AFG1L: variants seen among roughly 807,000 people sequenced by gnomAD.
AFG1L encodes the protein AFG1 like ATPase, also known as AFG1-like ATPase.
In AFG1L, 53 loss-of-function variants were observed where a neutral mutation model predicts 62.2. The ratio of observed to expected loss-of-function variants is 0.85; its 90% CI spans 0.68 to 1.07. AFG1L has a LOEUF of 1.07. Among genes scored for constraint, AFG1L ranks in the 50% least tolerant of loss-of-function variants. AFG1L has a pLI of 0.00. For missense variants in AFG1L, 555 were observed against 590.5 expected (o/e 0.94, Z 0.62); for synonymous variants, 228 against 210.3 (o/e 1.08, Z -0.73).
At chr6:108,343,400 C>T (rs1778754313) in intron 2 of AFG1L, among the ~76,000 whole-genome samples, 1 of 152,008 alleles carries the variant, frequency 6.6e-6, no homozygotes. Flanking sequence ...CAATCTTTCC[C>T]CCCATCTTTC....
chr6:108,310,054 C>T (rs1777344538), intron 1 of AFG1L, among the ~76,000 whole-genome samples: 1 of 152,182 alleles, frequency 6.6e-6, no homozygotes, highest in Non-Finnish European at 1.5e-5. Flanking sequence ...TGGGGCTATT[C>T]AGAGATCGGT....
intron 2 of AFG1L, among the ~76,000 whole-genome samples, chr6:108,329,452 C>T (rs1027118185): frequency 3.3e-5 from 5 of 151,880 alleles, no homozygotes; most frequent in Non-Finnish European, 5.9e-5. Flanking sequence ...GCGCCCACCA[C>T]CACGCCTGGC....
chr6:108,488,131 C>T (rs1041433903), intron 10 of AFG1L, among the ~76,000 whole-genome samples: 1 of 152,148 alleles, frequency 6.6e-6, no homozygotes, highest in Non-Finnish European at 1.5e-5. Flanking sequence ...TTCCCTTATG[C>T]AGGGTAACAG....
intron 8 of AFG1L, among the ~76,000 whole-genome samples, chr6:108,452,708 T>C (rs574268974): frequency 1.2e-3 from 180 of 152,284 alleles, no homozygotes; most frequent in African/African-American, 4.2e-3. Flanking sequence ...CTTATTAGCC[T>C]TGGCACAGAT....
chr6:108,369,937 TGG>T lies in AFG1L; in HGVS notation c.748+3606_748+3607del, dbSNP rs1476335972. 1.2e-3 allele frequency among the ~76,000 whole-genome samples: 177 copies of T among 149,598 alleles called. 2 individuals carry two copies. Among genetic ancestry groups the T allele is most frequent in the East Asian group, 7.4e-3 (38 of 5,116 alleles). On this transcript the variant is annotated intron_variant, in intron 6 of 12. Coordinates refer to ENST00000368977, the MANE Select transcript of AFG1L (RefSeq NM_145315.5). ...AGATTGATCTGGCTGGCTGGCTGGC[TGG>T]CTGGCTGGCTATCTATCTATCTATC...
At chr6:108,389,419 T>C (rs1011446845) in intron 6 of AFG1L, among the ~76,000 whole-genome samples, 21 of 152,302 alleles carry the variant, frequency 1.4e-4, no homozygotes, top group Non-Finnish European at 2.5e-4. Context: ...ATCCCGTCAT[T>C]ATGATGTTAA....
intron 1 of AFG1L, among the ~76,000 whole-genome samples, chr6:108,305,849 G>A (rs1777181264): frequency 6.6e-6 from 1 of 152,188 alleles, no homozygotes; most frequent in African/African-American, 2.4e-5. Flanking sequence ...AAAGGAACTG[G>A]AGTGATTGTG....
chr6:108,371,892 G>T (rs1330857838), intron 6 of AFG1L, among the ~76,000 whole-genome samples: 4 of 151,806 alleles, frequency 2.6e-5, no homozygotes, highest in African/African-American at 9.7e-5. Context: ...GAGTTGCTAG[G>T]ACTACAGGCA....
intron 7 of AFG1L, among the ~76,000 whole-genome samples, chr6:108,438,270 C>G (rs1439611452): frequency 6.6e-6 from 1 of 152,160 alleles, no homozygotes; most frequent in Admixed American, 6.5e-5. Flanking sequence ...GTTCTGGTGG[C>G]TAGAAGGACA....
intron 8 of AFG1L, among the ~76,000 whole-genome samples, chr6:108,455,220 C>A (rs1464112647): frequency 6.6e-6 from 1 of 152,070 alleles, no homozygotes; most frequent in Non-Finnish European, 1.5e-5. Context: ...TCAAAATAAT[C>A]CAGTGTAGGA....
chr6:108,359,349 A>G (rs1220192637), intron 5 of AFG1L: 5 of 152,238 alleles, frequency 3.3e-5, no homozygotes, highest in Admixed American at 6.5e-5. Flanking sequence ...GAGTCTTGCA[A>G]AGAAATGCAG....
At chr6:108,504,695 A>G (rs960059110) in intron 10 of AFG1L, among the ~76,000 whole-genome samples, 1 of 152,240 alleles carries the variant, frequency 6.6e-6, no homozygotes, top group Non-Finnish European at 1.5e-5. Context: ...AAACAAAACA[A>G]AAGTATCTTC....
intron 7 of AFG1L, among the ~76,000 whole-genome samples, chr6:108,427,680 C>A (rs1239611082): frequency 1.3e-5 from 2 of 151,908 alleles, no homozygotes; most frequent in African/African-American, 4.8e-5. Flanking sequence ...CGCCACCATA[C>A]CCGGTTAATT....
chr6:108,402,933 TAG>T (rs1187230985), intron 7 of AFG1L, among the ~76,000 whole-genome samples: 1 of 152,150 alleles, frequency 6.6e-6, no homozygotes, highest in East Asian at 1.9e-4. Flanking sequence ...CATCACTGCA[TAG>T]AGTTTAAAAT....
chr6:108,400,306 G>A (rs1381286932), intron 6 of AFG1L, among the ~76,000 whole-genome samples: 1 of 151,676 alleles, frequency 6.6e-6, no homozygotes, highest in Non-Finnish European at 1.5e-5. Context: ...CCCCCATTTC[G>A]TATGATACTA....
intron 6 of AFG1L, among the ~76,000 whole-genome samples, chr6:108,370,320 G>T (rs575423601): frequency 6.6e-6 from 1 of 152,144 alleles, no homozygotes; most frequent in Non-Finnish European, 1.5e-5. Context: ...TATGATGCAT[G>T]CAGGGAGACA....
At chr6:108,440,319 C>T (rs1771484142) in intron 7 of AFG1L, among the ~76,000 whole-genome samples, 1 of 151,834 alleles carries the variant, frequency 6.6e-6, no homozygotes, top group African/African-American at 2.4e-5. Context: ...CAGGTGTATG[C>T]CACCACACCC....
At chr6:108,417,357 G>A (rs1431149327) in intron 7 of AFG1L, among the ~76,000 whole-genome samples, 2 of 151,824 alleles carry the variant, frequency 1.3e-5, no homozygotes, top group South Asian at 2.1e-4. Context: ...GAGTGGAGGA[G>A]GTAGCACATG....
intron 8 of AFG1L, among the ~76,000 whole-genome samples, chr6:108,474,690 G>A (rs942876410): frequency 6.6e-6 from 1 of 152,202 alleles, no homozygotes; most frequent in African/African-American, 2.4e-5. Flanking sequence ...CTTCTTTCAA[G>A]AAGTGTCTGT....
Sources: gnomAD v4.1 joint callset for allele counts (sites outside exome capture counted in the v4.1 genomes callset) on GRCh38, gnomAD v4.1.1 for gene constraint, MANE v1.5 for transcripts, NCBI Gene and HGNC (gene_info 2026-07-23, HGNC 2026-07-21) for gene names.